The following RIMS2 variants were observed in gnomAD, a reference collection of about 807,000 sequenced individuals.
RIMS2 encodes regulating synaptic membrane exocytosis 2.
RIMS2 carries 59 observed loss-of-function variants against 174.4 expected under a neutral mutation model. The ratio of observed to expected loss-of-function variants is 0.34; its 90% CI spans 0.27 to 0.42. The LOEUF (loss-of-function observed/expected upper bound fraction) is 0.42. RIMS2 is among the 10% of genes least tolerant of loss of function. RIMS2 has a pLI of 1.00. For synonymous variants in RIMS2, 606 were observed against 572.5 expected (o/e 1.06, Z -0.84); for missense variants, 1,620 against 1,666.3 (o/e 0.97, Z 0.48).
rs1373936386 is a variant in RIMS2 at position 103,864,236 on chromosome 8, T to G, written c.699-21062T>G. Among the ~76,000 whole-genome samples, 4 of 152,170 alleles carry G rather than the reference T, an allele frequency of 2.6e-5. 1 individual carries two copies. Among genetic ancestry groups the G allele is most frequent in the Admixed American group, 2.6e-4 (4 of 15,278 alleles). On this transcript the variant is annotated intron_variant, in intron 3 of 23. Coordinates refer to ENST00000504942, the Ensembl canonical transcript of RIMS2. ...GCTACCTTTGGATTTGGTTTATTCT[T>G]GTTTCTCAGGTTGCTTCAGGTGTCA...
chr8:103,698,413 T>C lies in RIMS2; in HGVS notation c.387+1117T>C, dbSNP rs149502005. The stretch of plus-strand genomic sequence containing the variant: ...TGCCATCTATTCCTACTTTGCTGAG[T>C]TTGTTGTTGTTGTTTGGTTGGTTTT... On this transcript the variant is annotated intron_variant, in intron 2 of 23. Coordinates refer to ENST00000504942, the Ensembl canonical transcript of RIMS2. 6.2e-3 allele frequency among the ~76,000 whole-genome samples: 951 copies of C among 152,236 alleles called. 10 individuals are homozygous for C. The highest frequency in any genetic ancestry group is 0.022 in the African/African-American group (918 of 41,532).
intron 19 of RIMS2, among the ~76,000 whole-genome samples, chr8:104,058,016 C>G (rs1163984509): frequency 1.3e-5 from 2 of 151,972 alleles, no homozygotes; most frequent in Admixed American, 1.3e-4. Context: ...GTGAATGGTG[C>G]CGCAATAAAC....
intron 14 of RIMS2, among the ~76,000 whole-genome samples, chr8:103,957,676 C>T (rs2087917660): frequency 6.6e-6 from 1 of 152,016 alleles, no homozygotes; most frequent in South Asian, 2.1e-4. Context: ...TTGATGGATG[C>T]CACAAACCAC....
chr8:104,136,890 A>G (rs1716817082), intron 19 of RIMS2, among the ~76,000 whole-genome samples: 1 of 152,066 alleles, frequency 6.6e-6, no homozygotes, highest in African/African-American at 2.4e-5. Context: ...TGTGCAACAA[A>G]CCCCTGTAAC....
At position 104,225,388 on chromosome 8, in the gene RIMS2, A is replaced by C. The variant is rs114294195; in HGVS notation, c.3335-19528A>C. ...CTTATATTTGGCTACATTCACATAC[A>C]TAGTAAGTGATGAGGCTAGAATTTA... On this transcript the variant is annotated intron_variant, in intron 19 of 23. Transcript: ENST00000504942. Among the ~76,000 whole-genome samples, 1,504 of 152,308 alleles carry C rather than the reference A, an allele frequency of 9.9e-3. 21 individuals carry two copies. The highest frequency in any genetic ancestry group is 0.033 in the African/African-American group (1,356 of 41,566).
intron 19 of RIMS2, among the ~76,000 whole-genome samples, chr8:104,024,059 A>G (rs563591759): frequency 6.6e-6 from 1 of 152,174 alleles, no homozygotes; most frequent in Non-Finnish European, 1.5e-5. Context: ...TCAAGGAAAG[A>G]GAGGAATGGA....
At chr8:103,964,381 T>C (rs781591812) in intron 15 of RIMS2, among the ~76,000 whole-genome samples, 1 of 152,186 alleles carries the variant, frequency 6.6e-6, no homozygotes, top group Non-Finnish European at 1.5e-5. Context: ...AGTGGTATCT[T>C]GTTGTTTTTA....
chr8:103,740,816 C>T (rs1284471802), intron 2 of RIMS2, among the ~76,000 whole-genome samples: 1 of 151,982 alleles, frequency 6.6e-6, no homozygotes, highest in Non-Finnish European at 1.5e-5. Context: ...CTTCAATTAG[C>T]CTTAAAAATG....
intron 19 of RIMS2, among the ~76,000 whole-genome samples, chr8:104,036,636 T>C (rs1311559126): frequency 1.3e-5 from 2 of 151,892 alleles, no homozygotes; most frequent in Non-Finnish European, 2.9e-5. Context: ...CCCAGCACTT[T>C]AGGAGGCCGA....
intron 19 of RIMS2, 106 bp downstream of exon 24, chr8:104,093,749 T>C (rs569060029): frequency 2.3e-6 from 2 of 869,432 alleles, no homozygotes; most frequent in South Asian, 4.1e-5. Context: ...ATATATATTT[T>C]AAAGCCAGGG....
At chr8:103,940,202 A>G (rs72681388) in intron 13 of RIMS2, among the ~76,000 whole-genome samples, 19,321 of 152,212 alleles carry the variant, frequency 0.13, 1,697 homozygotes, top group Non-Finnish European at 0.19. Flanking sequence ...GAGTTTTAAC[A>G]GACTTACAGT....
intron 19 of RIMS2, among the ~76,000 whole-genome samples, chr8:104,156,405 T>C (rs1044148104): frequency 6.6e-6 from 1 of 152,158 alleles, no homozygotes; most frequent in African/African-American, 2.4e-5. Flanking sequence ...TTGGGAAATT[T>C]ATAGCCTTAG....
intron 4 of RIMS2, among the ~76,000 whole-genome samples, chr8:103,894,151 A>C (rs974251538): frequency 6.6e-6 from 1 of 151,296 alleles, no homozygotes; most frequent in Non-Finnish European, 1.5e-5. Context: ...GAGACAAAAA[A>C]ATAACTATTT....
intron 3 of RIMS2, among the ~76,000 whole-genome samples, chr8:103,857,481 A>G (rs912374666): frequency 6.6e-6 from 1 of 152,120 alleles, no homozygotes; most frequent in African/African-American, 2.4e-5. Flanking sequence ...GTCCTCGTTT[A>G]TCAATTTTTT....
At chr8:103,936,578 A>G (rs1324144398) in exon 13 of RIMS2, 2 of 1,591,186 alleles carry the variant, frequency 1.3e-6, no homozygotes, top group Non-Finnish European at 1.7e-6. Flanking sequence ...GAACTAAAAC[A>G]GTAAAGAAAA....
At chr8:103,961,491 T>G (rs1362287033) in intron 15 of RIMS2, among the ~76,000 whole-genome samples, 1 of 152,134 alleles carries the variant, frequency 6.6e-6, no homozygotes, top group Non-Finnish European at 1.5e-5. Flanking sequence ...AACCACCATA[T>G]CTAAATATGT....
intron 19 of RIMS2, among the ~76,000 whole-genome samples, chr8:104,135,478 T>C (rs1404230074): frequency 6.6e-6 from 1 of 151,720 alleles, no homozygotes; most frequent in Non-Finnish European, 1.5e-5. Context: ...TGGTGGTGCA[T>C]GTCTGTAGTC....
intron 3 of RIMS2, among the ~76,000 whole-genome samples, chr8:103,799,420 G>A (rs976415328): frequency 8.5e-5 from 13 of 152,136 alleles, no homozygotes; most frequent in Non-Finnish European, 1.9e-4. Context: ...TAAACTGTGA[G>A]TCAGTGAACA....
At chr8:103,725,309 C>A (rs2097513910) in intron 2 of RIMS2, among the ~76,000 whole-genome samples, 1 of 152,024 alleles carries the variant, frequency 6.6e-6, no homozygotes, top group Admixed American at 6.6e-5. Context: ...ATGTATATTC[C>A]CAATGTGCCT....
Sources: gnomAD v4.1 joint callset for allele counts (sites outside exome capture counted in the v4.1 genomes callset) on GRCh38, gnomAD v4.1.1 for gene constraint, MANE v1.5 for transcripts, NCBI Gene and HGNC (gene_info 2026-07-23, HGNC 2026-07-21) for gene names.